The following APOBEC3F variants were observed in gnomAD, a reference collection of about 807,000 sequenced individuals.
The protein encoded by APOBEC3F is apolipoprotein B mRNA editing enzyme catalytic subunit 3F.
A neutral mutation model predicts 45.8 loss-of-function variants in APOBEC3F; 34 were observed. That is an observed-to-expected ratio of 0.74 (90% CI 0.57 to 0.99). APOBEC3F has a LOEUF of 0.99. Ranked by LOEUF, APOBEC3F falls within the 50% of genes least tolerant of loss-of-function variation. The probability of loss-of-function intolerance (pLI) is 0.00; values close to 1 mark genes in which losing one functional copy is unlikely to be tolerated. For synonymous variants in APOBEC3F, 192 were observed against 174.4 expected (o/e 1.10, Z -0.80); for missense variants, 459 against 474.1 (o/e 0.97, Z 0.30).
At chr22:39,048,323 GC>G (rs1186831253) in intron 4 of APOBEC3F, among the ~76,000 whole-genome samples, 26 of 152,120 alleles carry the variant, frequency 1.7e-4, no homozygotes, top group Admixed American at 1.7e-3. Context: ...AATAGTGATG[GC>G]CCCCTGCAGG....
chr22:39,052,239 G>A lies in APOBEC3F; in HGVS notation c.889G>A (p.Val297Met), dbSNP rs111518268. 5 of 1,614,090 alleles carry A rather than the reference G, an allele frequency of 3.1e-6. No homozygotes were observed. Among genetic ancestry groups the A allele is most frequent in the African/African-American group, 2.7e-5 (2 of 74,936 alleles). The change falls in exon 6 of 7, where the codon GTG becomes ATG. Residue 297 changes from valine (V) to methionine (M), a missense_variant. Transcript: ENST00000308521. ...CGAGTTCCTGGCCAGGCACAGCAAC[G>A]TGAATCTCACCATCTTCACCGCCCG... ...VAEFLARHSNVNLTIFTARLY... is the reference protein window; with the variant it reads ...VAEFLARHSNMNLTIFTARLY...
At chr22:39,045,664 A>AC (rs1336363631) in intron 4 of APOBEC3F, 122 bp downstream of exon 4, 30 of 1,521,416 alleles carry the variant, frequency 2.0e-5, no homozygotes, top group South Asian at 3.7e-5. Context: ...TCATGGTTAC[A>AC]CCCCTCACCC....
intron 4 of APOBEC3F, among the ~76,000 whole-genome samples, chr22:39,048,280 C>G (rs371355373): frequency 8.5e-5 from 13 of 152,330 alleles, no homozygotes; most frequent in African/African-American, 3.1e-4. Context: ...CAGGTTACCC[C>G]GCCTCTCTGT....
intron 4 of APOBEC3F, 82 bp from the exon 5 acceptor site, chr22:39,049,343 C>G: frequency 6.7e-7 from 1 of 1,489,662 alleles, no homozygotes; most frequent in Non-Finnish European, 9.2e-7. Flanking sequence ...CCAGGGCTGT[C>G]CAGTGAGTGG....
At position 39,053,911 on chromosome 22, in the gene APOBEC3F, C is replaced by T. The variant is rs1324906414; in HGVS notation, c.*1216C>T. The T allele has an allele frequency of 1.3e-5, 2 of 152,244 alleles. No individual in the cohort carries two copies. The highest frequency in any genetic ancestry group is 2.9e-5 in the Non-Finnish European group (2 of 68,054). The allele number at this position is 152,244 out of a possible 1,614,324, so 9.4% of individuals were successfully genotyped here. A position where few individuals can be genotyped will look rare whatever the true frequency, so the allele number is the denominator to read the frequency against. ...GCAATAAATGGCTGTAAGTCTTGGACTCCTTGCTATAATCGCAGCTATTCA... is the reference window on the plus strand; with the variant it reads ...GCAATAAATGGCTGTAAGTCTTGGATTCCTTGCTATAATCGCAGCTATTCA... On this transcript the variant is annotated 3_prime_UTR_variant, in exon 7 of 7. Coordinates refer to ENST00000308521, the MANE Select transcript of APOBEC3F (RefSeq NM_145298.6).
At position 39,049,444 on chromosome 22, in the gene APOBEC3F, T is replaced by A. The variant is rs201034804; in HGVS notation, c.586T>A (p.Tyr196Asn). 1.1e-5 allele frequency: 17 copies of A among 1,614,102 alleles called. No homozygotes were observed. The highest frequency in any genetic ancestry group is 6.7e-5 in the Admixed American group (4 of 60,006). The part of the protein sequence containing the change: ...EILRNPMEAM[Y>N]PHIFYFHFKN... ...CTTCAGAAACCCGATGGAGGCAATG[T>A]ATCCACACATATTCTACTTCCACTT... is the stretch of plus-strand genomic sequence containing the variant. Residue 196 changes from tyrosine (Y) to asparagine (N), a missense_variant, in exon 5 of 7, where the codon TAT (tyrosine) becomes AAT (asparagine). Physicochemically the swap from Tyr to Asn is moderately radical, Grantham distance 143. Transcript: ENST00000308521.
chr22:39,041,776 C>T (rs1422183356), intron 1 of APOBEC3F, among the ~76,000 whole-genome samples: 3 of 151,946 alleles, frequency 2.0e-5, no homozygotes, highest in South Asian at 2.1e-4. Context: ...ACAGGAGAAT[C>T]GCTTGAACCC....
intron 4 of APOBEC3F, among the ~76,000 whole-genome samples, chr22:39,045,998 G>C (rs1927198404): frequency 1.3e-5 from 2 of 151,818 alleles, no homozygotes; most frequent in Admixed American, 6.6e-5. Flanking sequence ...GATGCCCCCG[G>C]GCCGGGTGCC....
intron 4 of APOBEC3F, 24 bp from the exon 5 acceptor site, chr22:39,049,401 G>A: frequency 1.2e-6 from 2 of 1,612,248 alleles, no homozygotes; most frequent in South Asian, 2.2e-5. Context: ...TCTCTGCATT[G>A]GGGTTTCTCT....
chr22:39,048,293 C>G (rs1870867919), intron 4 of APOBEC3F, among the ~76,000 whole-genome samples: 1 of 152,224 alleles, frequency 6.6e-6, no homozygotes, highest in Admixed American at 6.5e-5. Context: ...CTCTCTGTGC[C>G]TCTGGCACCT....
chr22:39,045,290 C>A, intron 3 of APOBEC3F, 70 bp downstream of exon 3: 1 of 1,593,210 alleles, frequency 6.3e-7, no homozygotes, highest in Non-Finnish European at 8.6e-7. Context: ...ATCTGCAATG[C>A]CATGGCTGGG....
Position 39,049,664 on chromosome 22 carries a change from G to A in APOBEC3F, c.723+83G>A, listed in dbSNP as rs538526699. On this transcript the variant is annotated intron_variant, in intron 5 of 6. Transcript: ENST00000308521. ...AAACACAATAAGTGACGTGCCTGGC[G>A]TGGGCTTTCCTGTGTGTACTTTCCT... The A allele has an allele frequency of 5.0e-5, 76 of 1,512,936 alleles. 1 individual carries two copies. The highest frequency in any genetic ancestry group is 2.1e-4 in the East Asian group (9 of 43,784). The allele number at this position is 1,512,936 out of a possible 1,614,324, so 93.7% of individuals were successfully genotyped here. A position where few individuals can be genotyped will look rare whatever the true frequency, so the allele number is the denominator to read the frequency against.
chr22:39,049,586 C>T lies in APOBEC3F; in HGVS notation c.723+5C>T, dbSNP rs773182647. On this transcript the variant is annotated splice_donor_5th_base_variant and intron_variant, in intron 5 of 6. Transcript: ENST00000308521. ...AGGGGCGTCTTCCGAAACCAGGTAG[C>T]ACCAAAGTCCTATTTACACCCCAAA... The T allele has an allele frequency of 1.2e-6, 2 of 1,613,730 alleles. No homozygotes were observed. Among genetic ancestry groups the T allele is most frequent in the Admixed American group, 3.3e-5 (2 of 59,980 alleles).
rs780286886 is a variant in APOBEC3F, at chr22:39,049,462, T to G, written c.604T>G (p.Phe202Val). ...GGCAATGTATCCACACATATTCTAC[T>G]TCCACTTTAAAAACCTACGCAAAGC... ...MEAMYPHIFY[F>V]HFKNLRKAYG... is the part of the protein sequence containing the mutation. Residue 202 changes from phenylalanine to valine, a missense_variant, in exon 5 of 7, where the codon TTC becomes GTC. Transcript: ENST00000308521. 1 of 1,614,088 alleles carries G rather than the reference T, an allele frequency of 6.2e-7. No homozygotes were observed. The highest frequency in any genetic ancestry group is 8.5e-7 in the Non-Finnish European group (1 of 1,180,018).
chr22:39,043,801 C>T (rs1400813149), intron 2 of APOBEC3F, among the ~76,000 whole-genome samples: 2 of 151,076 alleles, frequency 1.3e-5, no homozygotes, highest in African/African-American at 4.9e-5. Flanking sequence ...GGTGGATCAC[C>T]TGAGGTTAGA....
In APOBEC3F at chr22:39,049,492, G is replaced by C; in HGVS notation, c.634G>C (p.Gly212Arg). The stretch of plus-strand genomic sequence containing the variant: ...CTTTAAAAACCTACGCAAAGCCTAT[G>C]GTCGGAACGAAAGCTGGCTGTGCTT... ...FHFKNLRKAYGRNESWLCFTM... is the reference protein window; with the variant it reads ...FHFKNLRKAYRRNESWLCFTM... Residue 212 changes from glycine to arginine, a missense_variant, in exon 5 of 7, where the codon GGT (glycine) becomes CGT (arginine). Physicochemically the swap from Gly to Arg is moderately radical, Grantham distance 125. Coordinates refer to ENST00000308521, the MANE Select transcript of APOBEC3F (RefSeq NM_145298.6). 6.2e-7 allele frequency: 1 copy of C among 1,614,056 alleles called. No homozygotes were observed. The highest frequency in any genetic ancestry group is 8.5e-7 in the Non-Finnish European group (1 of 1,180,004).
intron 2 of APOBEC3F, chr22:39,044,143 G>A (rs780889014): frequency 1.1e-5 from 18 of 1,579,642 alleles, no homozygotes; most frequent in Non-Finnish European, 1.5e-5. Flanking sequence ...TGGCCAGTGC[G>A]CCCCACCACA....
Position 39,055,338 on chromosome 22 carries a change from C to A in APOBEC3F, c.*2643C>A, listed in dbSNP as rs1028331776. Among the ~76,000 whole-genome samples the A allele has an allele frequency of 1.3e-5, 2 of 151,648 alleles. No homozygotes were observed. The highest frequency in any genetic ancestry group is 2.9e-5 in the Non-Finnish European group (2 of 67,978). On this transcript the variant is annotated 3_prime_UTR_variant, in exon 7 of 7. Transcript: ENST00000308521. ...CCACTCTCCTCAGCCTCCCAAAGTGCTGGGATTACAGATATAAGCCACCAT... is the reference window on the plus strand; with the variant it reads ...CCACTCTCCTCAGCCTCCCAAAGTGATGGGATTACAGATATAAGCCACCAT...
chr22:39,042,834 G>A, intron 1 of APOBEC3F, 103 bp from the exon 2 acceptor site: 1 of 1,515,712 alleles, frequency 6.6e-7, no homozygotes. Flanking sequence ...GGAGGGGTTG[G>A]GGAGGCCCAG....
Sources: allele counts gnomAD v4.1 joint callset (sites outside exome capture counted in the v4.1 genomes callset), GRCh38; gene constraint gnomAD v4.1.1; transcripts MANE v1.5; gene names NCBI Gene and HGNC (gene_info 2026-07-23, HGNC 2026-07-21).